Variants in RBFOX1 observed in about 807,000 individuals in gnomAD.
The protein encoded by RBFOX1 is RNA binding protein fox-1 homolog 1.
In RBFOX1, 8 loss-of-function variants were observed where a neutral mutation model predicts 57.7. The ratio of observed to expected loss-of-function variants is 0.14; its 90% CI spans 0.08 to 0.25. The LOEUF (loss-of-function observed/expected upper bound fraction) is 0.25, where lower values mean the gene tolerates loss of function less well. Among genes scored for constraint, RBFOX1 ranks in the 10% least tolerant of loss-of-function variants. The pLI, the probability that RBFOX1 is intolerant of heterozygous loss-of-function variation, is 1.00. For synonymous variants in RBFOX1, 326 were observed against 222.4 expected (o/e 1.47, Z -4.15); for missense variants, 611 against 548.5 (o/e 1.11, Z -1.14).
At chr16:5,725,411 T>C (rs981939858) in intron 3 of RBFOX1, among the ~76,000 whole-genome samples, 5 of 151,902 alleles carry the variant, frequency 3.3e-5, no homozygotes, top group Non-Finnish European at 1.5e-5. Flanking sequence ...CCCCAGCTAA[T>C]TGCTTTTATT....
chr16:7,155,873 A>C, intron 4 of RBFOX1, among the ~76,000 whole-genome samples: 1 of 151,662 alleles, frequency 6.6e-6, no homozygotes, highest in Non-Finnish European at 1.5e-5. Context: ...AGTGGTCATA[A>C]AATTGGATAT....
At chr16:5,940,705 G>A (rs1418398443) in intron 4 of RBFOX1, among the ~76,000 whole-genome samples, 1 of 152,224 alleles carries the variant, frequency 6.6e-6, no homozygotes, top group East Asian at 1.9e-4. Context: ...TTCTAGGCCA[G>A]GAATTAGAGG....
At chr16:6,045,410 G>A (rs899759321) in intron 1 of RBFOX1, among the ~76,000 whole-genome samples, 6 of 152,122 alleles carry the variant, frequency 3.9e-5, no homozygotes, top group Admixed American at 6.5e-5. Context: ...TTGGATGATC[G>A]AATTACAGAC....
intron 3 of RBFOX1, among the ~76,000 whole-genome samples, chr16:7,009,751 A>G (rs2093559283): frequency 6.6e-6 from 1 of 152,212 alleles, no homozygotes; most frequent in Admixed American, 6.5e-5. Flanking sequence ...TCTCTTGATT[A>G]AACACTAAAT....
chr16:5,431,326 T>C (rs867744395), intron 1 of RBFOX1, among the ~76,000 whole-genome samples: 4 of 152,182 alleles, frequency 2.6e-5, no homozygotes, highest in South Asian at 2.1e-4. Context: ...CTTGGTAAAA[T>C]TTTAAAAGTT....
chr16:7,152,543 A>G (rs1384926040), intron 4 of RBFOX1, among the ~76,000 whole-genome samples: 2 of 152,124 alleles, frequency 1.3e-5, no homozygotes, highest in East Asian at 1.9e-4. Flanking sequence ...TAGCTGTGCA[A>G]TCTTGATAAA....
intron 4 of RBFOX1, among the ~76,000 whole-genome samples, chr16:7,233,222 T>C (rs1403279215): frequency 6.6e-6 from 1 of 152,070 alleles, no homozygotes; most frequent in Non-Finnish European, 1.5e-5. Flanking sequence ...TCCTTTTTTT[T>C]TTTTTTTCCT....
chr16:5,507,424 A>G (rs2043416735), intron 2 of RBFOX1, among the ~76,000 whole-genome samples: 2 of 152,036 alleles, frequency 1.3e-5, no homozygotes, highest in African/African-American at 4.8e-5. Flanking sequence ...TTCAGAAAAC[A>G]TGTGGTGCAT....
At chr16:5,466,524 T>C (rs1269904575) in intron 1 of RBFOX1, among the ~76,000 whole-genome samples, 1 of 152,218 alleles carries the variant, frequency 6.6e-6, no homozygotes, top group Non-Finnish European at 1.5e-5. Context: ...TCAAGGCAGC[T>C]AGGGTTTCTG....
chr16:6,105,869 G>A (rs1342280488), intron 1 of RBFOX1, among the ~76,000 whole-genome samples: 3 of 151,876 alleles, frequency 2.0e-5, no homozygotes, highest in Non-Finnish European at 1.5e-5. Flanking sequence ...ATTTTATTAT[G>A]GATATTTTCC....
intron 2 of RBFOX1, among the ~76,000 whole-genome samples, chr16:6,385,590 C>A (rs2092206834): frequency 6.6e-6 from 1 of 152,182 alleles, no homozygotes; most frequent in Non-Finnish European, 1.5e-5. Context: ...AAACTCCTGA[C>A]CTTAAGTGAT....
chr16:6,597,562 A>C (rs1198726697), intron 2 of RBFOX1, among the ~76,000 whole-genome samples: 1 of 152,112 alleles, frequency 6.6e-6, no homozygotes, highest in Non-Finnish European at 1.5e-5. Context: ...AGTCCCAGCT[A>C]TTCGGGAGGC....
At chr16:5,365,725 G>T in intron 1 of RBFOX1, 3 of 413,690 alleles carry the variant, frequency 7.3e-6, no homozygotes, top group Non-Finnish European at 1.4e-5. Flanking sequence ...GTCCTGCATG[G>T]CTGTTCTCTT....
intron 4 of RBFOX1, among the ~76,000 whole-genome samples, chr16:7,181,885 C>A (rs903594306): frequency 6.6e-6 from 1 of 152,022 alleles, no homozygotes; most frequent in Non-Finnish European, 1.5e-5. Context: ...TTCTGAGTCA[C>A]CATATGTGAA....
intron 3 of RBFOX1, among the ~76,000 whole-genome samples, chr16:5,621,770 G>T (rs2048207866): frequency 6.6e-6 from 1 of 152,162 alleles, no homozygotes; most frequent in African/African-American, 2.4e-5. Flanking sequence ...CTCCAAAAGG[G>T]CAGTGAAACC....
At chr16:7,547,086 G>A (rs943178066) in intron 5 of RBFOX1, among the ~76,000 whole-genome samples, 8 of 152,008 alleles carry the variant, frequency 5.3e-5, no homozygotes, top group Non-Finnish European at 1.0e-4. Flanking sequence ...ATCTCAGAGT[G>A]ATTTAAAATG....
intron 4 of RBFOX1, among the ~76,000 whole-genome samples, chr16:7,322,937 G>T (rs893280280): frequency 6.6e-6 from 1 of 152,126 alleles, no homozygotes; most frequent in Non-Finnish European, 1.5e-5. Flanking sequence ...TTGCTTGGGA[G>T]GCATTTCCCC....
intron 4 of RBFOX1, among the ~76,000 whole-genome samples, chr16:7,230,989 T>A (rs2093464848): frequency 6.6e-6 from 1 of 152,110 alleles, no homozygotes; most frequent in Admixed American, 6.5e-5. Context: ...GTCCCAGAAT[T>A]CACATTGATC....
chr16:6,144,237 C>T (rs1473756445), intron 1 of RBFOX1, among the ~76,000 whole-genome samples: 1 of 152,064 alleles, frequency 6.6e-6, no homozygotes, highest in African/African-American at 2.4e-5. Flanking sequence ...AAATTATTCT[C>T]TTTTTAATTT....
Sources: gnomAD v4.1 joint callset for allele counts (sites outside exome capture counted in the v4.1 genomes callset) on GRCh38, gnomAD v4.1.1 for gene constraint, MANE v1.5 for transcripts, NCBI Gene and HGNC (gene_info 2026-07-23, HGNC 2026-07-21) for gene names.